Variants in EPB41L3 observed in about 807,000 individuals in gnomAD.
The protein encoded by EPB41L3 is erythrocyte membrane protein band 4.1 like 3, also known as band 4.1-like protein 3.
Under a neutral mutation model 127.1 loss-of-function variants are expected in EPB41L3, and 57 were observed. That is an observed-to-expected ratio of 0.45 (90% CI 0.36 to 0.56). EPB41L3 has a LOEUF of 0.56. EPB41L3 is among the 20% of genes least tolerant of loss of function. The pLI is 0.00. For synonymous variants in EPB41L3, 572 were observed against 549.5 expected (o/e 1.04, Z -0.57); for missense variants, 1,273 against 1,372.2 (o/e 0.93, Z 1.14).
At chr18:5,435,774 A>T (rs578227489) in intron 6 of EPB41L3, among the ~76,000 whole-genome samples, 6 of 152,352 alleles carry the variant, frequency 3.9e-5, no homozygotes, top group African/African-American at 1.2e-4. Context: ...TATACGAGCA[A>T]AACAGATTTC....
At chr18:5,513,142 C>T (rs1453071461) in intron 1 of EPB41L3, among the ~76,000 whole-genome samples, 1 of 152,186 alleles carries the variant, frequency 6.6e-6, no homozygotes, top group Non-Finnish European at 1.5e-5. Flanking sequence ...TAGGATCACA[C>T]TTCCTTATCA....
At chr18:5,606,933 C>T (rs916719512) in intron 3 of EPB41L3, among the ~76,000 whole-genome samples, 6 of 146,976 alleles carry the variant, frequency 4.1e-5, no homozygotes, top group South Asian at 2.2e-4. Flanking sequence ...TCTCTCTCTC[C>T]GTCTCTCTCT....
intron 3 of EPB41L3, among the ~76,000 whole-genome samples, chr18:5,463,362 C>G (rs1568289027): frequency 6.6e-6 from 1 of 152,176 alleles, no homozygotes; most frequent in Non-Finnish European, 1.5e-5. Flanking sequence ...GTGTATATGC[C>G]TGCACCATCC....
chr18:5,458,175 T>A (rs967147053), intron 3 of EPB41L3, among the ~76,000 whole-genome samples: 3 of 152,240 alleles, frequency 2.0e-5, no homozygotes, highest in Admixed American at 2.0e-4. Context: ...GCAGGTATAA[T>A]CTTCTCTGGC....
chr18:5,544,662 C>A (rs2093844988), upstream of EPB41L3, among the ~76,000 whole-genome samples: 1 of 151,940 alleles, frequency 6.6e-6, no homozygotes, highest in Non-Finnish European at 1.5e-5. Context: ...AAGATCTAAC[C>A]GACTAACCAA....
intron 3 of EPB41L3, among the ~76,000 whole-genome samples, chr18:5,553,948 C>T (rs2093999698): frequency 6.6e-6 from 1 of 152,242 alleles, no homozygotes; most frequent in Non-Finnish European, 1.5e-5. Context: ...CTCCCCGTCC[C>T]ACTCCAGGCA....
At chr18:5,510,012 A>T (rs1395332467) in intron 1 of EPB41L3, among the ~76,000 whole-genome samples, 1 of 152,222 alleles carries the variant, frequency 6.6e-6, no homozygotes. Flanking sequence ...TATGGAGATC[A>T]GGGAAAGCTG....
intron 3 of EPB41L3, among the ~76,000 whole-genome samples, chr18:5,590,932 G>T (rs981502251): frequency 2.2e-4 from 33 of 152,204 alleles, no homozygotes; most frequent in Non-Finnish European, 3.4e-4. Flanking sequence ...GACTACGAAG[G>T]GGTAGCACAT....
At chr18:5,536,157 T>C (rs568740081) in intron 1 of EPB41L3, among the ~76,000 whole-genome samples, 35 of 152,152 alleles carry the variant, frequency 2.3e-4, no homozygotes, top group Middle Eastern at 3.4e-3. Flanking sequence ...AGTCAGGAAA[T>C]CTATGGTGAA....
chr18:5,526,619 C>T (rs1021474912), intron 1 of EPB41L3, among the ~76,000 whole-genome samples: 4 of 152,098 alleles, frequency 2.6e-5, no homozygotes, highest in African/African-American at 7.2e-5. Context: ...GATCTCTGCC[C>T]TACCAAAATG....
chr18:5,494,462 A>G (rs1235473496), intron 1 of EPB41L3, among the ~76,000 whole-genome samples: 1 of 152,210 alleles, frequency 6.6e-6, no homozygotes, highest in Non-Finnish European at 1.5e-5. Flanking sequence ...GTTCAAGACC[A>G]GCCTGGCCAA....
chr18:5,559,070 G>T (rs1321677747), intron 3 of EPB41L3, among the ~76,000 whole-genome samples: 1 of 151,976 alleles, frequency 6.6e-6, no homozygotes, highest in Non-Finnish European at 1.5e-5. Context: ...GAATAATTTG[G>T]CATGTGCTCC....
At chr18:5,461,160 T>C (rs1164063345) in intron 3 of EPB41L3, among the ~76,000 whole-genome samples, 1 of 152,170 alleles carries the variant, frequency 6.6e-6, no homozygotes, top group Non-Finnish European at 1.5e-5. Flanking sequence ...TTGCTTGGGG[T>C]AATCATTTAA....
At chr18:5,618,387 C>T (rs1893197) in intron 1 of EPB41L3, among the ~76,000 whole-genome samples, 30,103 of 152,132 alleles carry the variant, frequency 0.2, 3,039 homozygotes, top group African/African-American at 0.22. Flanking sequence ...ATGAGATAAA[C>T]ATGCATTCCT....
chr18:5,423,349 G>C, intron 11 of EPB41L3, 29 bp downstream of exon 11: 2 of 1,577,362 alleles, frequency 1.3e-6, no homozygotes, highest in Admixed American at 1.7e-5. Flanking sequence ...TAGGTACTAG[G>C]TTATTAAGGG....
intron 1 of EPB41L3, among the ~76,000 whole-genome samples, chr18:5,493,748 C>G (rs1442890213): frequency 2.0e-5 from 3 of 152,152 alleles, no homozygotes; most frequent in African/African-American, 7.2e-5. Flanking sequence ...GCTGTCACCA[C>G]ATCCTCCCAC....
chr18:5,469,774 T>C (rs938721875), intron 3 of EPB41L3, among the ~76,000 whole-genome samples: 1 of 65,202 alleles, frequency 1.5e-5, no homozygotes, highest in Admixed American at 1.3e-4. Flanking sequence ...GTAGAATGAA[T>C]TTTTTTTTTT....
chr18:5,524,076 G>A (rs370315883), intron 1 of EPB41L3, among the ~76,000 whole-genome samples: 17 of 152,010 alleles, frequency 1.1e-4, no homozygotes, highest in African/African-American at 4.1e-4. Flanking sequence ...TTTGACGTGG[G>A]TACTATTATT....
At chr18:5,608,404 A>C (rs899956620) in intron 3 of EPB41L3, among the ~76,000 whole-genome samples, 1 of 152,220 alleles carries the variant, frequency 6.6e-6, no homozygotes, top group Non-Finnish European at 1.5e-5. Context: ...CTCAACAGAA[A>C]GAGTCCGGAA....
Sources: allele counts gnomAD v4.1 joint callset (sites outside exome capture counted in the v4.1 genomes callset), GRCh38; gene constraint gnomAD v4.1.1; transcripts MANE v1.5; gene names NCBI Gene and HGNC (gene_info 2026-07-23, HGNC 2026-07-21).